The following LRFN5 variants were observed in gnomAD, a reference collection of about 807,000 sequenced individuals.
LRFN5 encodes leucine-rich repeat and fibronectin type-III domain-containing protein 5.
In LRFN5, 24 loss-of-function variants were observed where a neutral mutation model predicts 45.6. The observed-to-expected ratio is 0.53, with a 90% CI of 0.38 to 0.74. LRFN5 has a LOEUF of 0.74. LRFN5 is among the 30% of genes least tolerant of loss of function. The probability of loss-of-function intolerance (pLI) is 0.00; values close to 1 mark genes in which losing one functional copy is unlikely to be tolerated. For synonymous variants in LRFN5, 340 were observed against 313.8 expected (o/e 1.08, Z -0.88); for missense variants, 776 against 861.5 (o/e 0.90, Z 1.24).
chr14:41,788,795 G>A (rs751644224), intron 2 of LRFN5, among the ~76,000 whole-genome samples: 7 of 151,778 alleles, frequency 4.6e-5, no homozygotes, highest in Non-Finnish European at 7.4e-5. Flanking sequence ...GAGATGTCAC[G>A]TAAGCTGCAA....
At chr14:41,870,996 T>A (rs1211383289) in intron 2 of LRFN5, among the ~76,000 whole-genome samples, 1 of 152,116 alleles carries the variant, frequency 6.6e-6, no homozygotes, top group African/African-American at 2.4e-5. Context: ...CATATTAGGT[T>A]GCATATGTCA....
At position 41,646,599 on chromosome 14, in the gene LRFN5, T is replaced by C. The variant is rs1879828916; in HGVS notation, c.-197+38037T>C. Reference sequence around the variant, plus strand: ...TTGAGAAGATAATATGAAATATCTTTCTATTAATTATGCCCTGATAAGCTC... The same window carrying C: ...TTGAGAAGATAATATGAAATATCTTCCTATTAATTATGCCCTGATAAGCTC... On this transcript the variant is annotated intron_variant, in intron 1 of 5. Coordinates refer to ENST00000298119, the MANE Select transcript of LRFN5 (RefSeq NM_152447.5). Among the ~76,000 whole-genome samples, 4 of 152,238 alleles carry C rather than the reference T, an allele frequency of 2.6e-5. No individual in the cohort carries two copies. In the South Asian group the frequency reaches 8.3e-4, roughly 31 times the overall value.
chr14:41,717,159 G>T (rs1473939670), intron 1 of LRFN5, among the ~76,000 whole-genome samples: 3 of 152,224 alleles, frequency 2.0e-5, no homozygotes, highest in Admixed American at 2.0e-4. Flanking sequence ...AAATAAAAAA[G>T]AATGTAAATG....
At chr14:41,852,081 C>A (rs934687482) in intron 2 of LRFN5, among the ~76,000 whole-genome samples, 2 of 151,832 alleles carry the variant, frequency 1.3e-5, no homozygotes, top group African/African-American at 4.8e-5. Context: ...GTGGATATAA[C>A]TATACTCCCT....
chr14:41,843,638 A>G (rs996147231), intron 2 of LRFN5, among the ~76,000 whole-genome samples: 1 of 152,108 alleles, frequency 6.6e-6, no homozygotes, highest in African/African-American at 2.4e-5. Context: ...CCATAGGGAT[A>G]TACTGTTGCT....
At chr14:41,647,191 C>T (rs1879858505) in intron 1 of LRFN5, among the ~76,000 whole-genome samples, 1 of 152,098 alleles carries the variant, frequency 6.6e-6, no homozygotes, top group African/African-American at 2.4e-5. Context: ...GGATAACATA[C>T]ATAGATTTTG....
At chr14:41,621,118 T>A (rs896222415) in intron 1 of LRFN5, among the ~76,000 whole-genome samples, 1 of 152,132 alleles carries the variant, frequency 6.6e-6, no homozygotes, top group Non-Finnish European at 1.5e-5. Flanking sequence ...TTGTTTACAT[T>A]TGAGGATACA....
intron 1 of LRFN5, among the ~76,000 whole-genome samples, chr14:41,638,313 A>C (rs1057210542): frequency 6.6e-6 from 1 of 152,062 alleles, no homozygotes; most frequent in African/African-American, 2.4e-5. Context: ...TGGCCCAAGC[A>C]AGAGCTGTGC....
At chr14:41,770,615 G>T (rs773256495) in intron 2 of LRFN5, among the ~76,000 whole-genome samples, 5 of 152,190 alleles carry the variant, frequency 3.3e-5, no homozygotes, top group Non-Finnish European at 7.4e-5. Context: ...TCGACTTCAT[G>T]TTCCACAGCA....
At chr14:41,821,532 A>T (rs930869386) in intron 2 of LRFN5, among the ~76,000 whole-genome samples, 1 of 151,914 alleles carries the variant, frequency 6.6e-6, no homozygotes, top group African/African-American at 2.4e-5. Context: ...TTGGTTTTCT[A>T]GTATTCTGTT....
At chr14:41,694,424 C>G (rs1882511945) in intron 1 of LRFN5, among the ~76,000 whole-genome samples, 1 of 151,908 alleles carries the variant, frequency 6.6e-6, no homozygotes, top group African/African-American at 2.4e-5. Flanking sequence ...TATATAAATT[C>G]TACAAATCGT....
intron 2 of LRFN5, among the ~76,000 whole-genome samples, chr14:41,866,212 T>C (rs973309806): frequency 3.3e-5 from 5 of 152,166 alleles, no homozygotes; most frequent in Non-Finnish European, 1.5e-5. Context: ...TTAAGTTTGG[T>C]AAAGGAAGTG....
At chr14:41,786,402 C>A (rs1250057918) in intron 2 of LRFN5, among the ~76,000 whole-genome samples, 1 of 151,610 alleles carries the variant, frequency 6.6e-6, no homozygotes, top group East Asian at 1.9e-4. Context: ...AACATTTTTT[C>A]TTTCAGTACT....
chr14:41,740,831 G>C (rs1446162192), intron 1 of LRFN5, among the ~76,000 whole-genome samples: 1 of 151,846 alleles, frequency 6.6e-6, no homozygotes, highest in Non-Finnish European at 1.5e-5. Context: ...AAACCCTAAA[G>C]GCTTTATCAA....
intron 1 of LRFN5, among the ~76,000 whole-genome samples, chr14:41,742,347 T>A (rs1308653661): frequency 8.1e-6 from 1 of 123,390 alleles, no homozygotes; most frequent in African/African-American, 2.9e-5. Flanking sequence ...ACACACACAC[T>A]AGAATAATAT....
chr14:41,825,780 G>C (rs1888273261), intron 2 of LRFN5, among the ~76,000 whole-genome samples: 1 of 152,152 alleles, frequency 6.6e-6, no homozygotes, highest in Non-Finnish European at 1.5e-5. Context: ...CCAGCTGGCA[G>C]CTCAGTGCAA....
intron 2 of LRFN5, among the ~76,000 whole-genome samples, chr14:41,864,288 A>G (rs535264229): frequency 6.6e-6 from 1 of 152,246 alleles, no homozygotes; most frequent in African/African-American, 2.4e-5. Context: ...ACTCCCGCCA[A>G]CCGTGTCAAA....
At chr14:41,792,966 G>A (rs1480387482) in intron 2 of LRFN5, among the ~76,000 whole-genome samples, 2 of 149,628 alleles carry the variant, frequency 1.3e-5, no homozygotes, top group African/African-American at 4.9e-5. Context: ...CATAGACATA[G>A]GAAGGGGAAC....
intron 1 of LRFN5, among the ~76,000 whole-genome samples, chr14:41,729,519 C>T (rs771507428): frequency 3.6e-4 from 55 of 152,166 alleles, no homozygotes; most frequent in Middle Eastern, 3.4e-3. Context: ...TATAGTAACA[C>T]AAACAGAGTA....
Sources: gnomAD v4.1 joint callset for allele counts (sites outside exome capture counted in the v4.1 genomes callset) on GRCh38, gnomAD v4.1.1 for gene constraint, MANE v1.5 for transcripts, NCBI Gene and HGNC (gene_info 2026-07-23, HGNC 2026-07-21) for gene names.